The following MARCHF1 variants were observed in gnomAD, a reference collection of about 807,000 sequenced individuals.
The protein encoded by MARCHF1 is membrane associated ring-CH-type finger 1, also known as E3 ubiquitin-protein ligase MARCHF1.
A neutral mutation model predicts 54.2 loss-of-function variants in MARCHF1; 40 were observed. That is an observed-to-expected ratio of 0.74 (90% confidence interval 0.57 to 0.96). The LOEUF (loss-of-function observed/expected upper bound fraction) is 0.96, where lower values mean the gene tolerates loss of function less well. Among genes scored for constraint, MARCHF1 ranks in the 40% least tolerant of loss-of-function variants. The pLI, the probability that MARCHF1 is intolerant of heterozygous loss-of-function variation, is 0.00. For synonymous variants in MARCHF1, 236 were observed against 236.3 expected, an observed-to-expected ratio of 1.00 and a Z score of 0.01; for missense variants, 586 against 656.5, an observed-to-expected ratio of 0.89 and a Z score of 1.17.
At chr4:163,677,118 G>C (rs1367994525) in intron 5 of MARCHF1, among the ~76,000 whole-genome samples, 2 of 152,282 alleles carry the variant, frequency 1.3e-5, no homozygotes, top group East Asian at 3.9e-4. Flanking sequence ...AAATAGGTAG[G>C]TTAACAATTG....
At chr4:164,074,563 C>G (rs1371832299) in intron 2 of MARCHF1, among the ~76,000 whole-genome samples, 1 of 151,770 alleles carries the variant, frequency 6.6e-6, no homozygotes, top group Non-Finnish European at 1.5e-5. Flanking sequence ...AAAATTAAAG[C>G]CAACAAGTCT....
chr4:164,247,531 G>T (rs1732987467), intron 1 of MARCHF1, among the ~76,000 whole-genome samples: 1 of 149,688 alleles, frequency 6.7e-6, no homozygotes, highest in Non-Finnish European at 1.5e-5. Flanking sequence ...TGGGTGCAGT[G>T]CACCAGCATG....
intron 1 of MARCHF1, among the ~76,000 whole-genome samples, chr4:164,127,720 G>T (rs1433022934): frequency 2.0e-5 from 3 of 152,092 alleles, no homozygotes. Context: ...TGTGAAGAAA[G>T]CTTCAAAATA....
At chr4:164,006,958 TATAAG>T (rs1206134736) in intron 2 of MARCHF1, among the ~76,000 whole-genome samples, 1 of 112,946 alleles carries the variant, frequency 8.9e-6, no homozygotes, top group Non-Finnish European at 1.7e-5. Flanking sequence ...ATTCCCATCT[TATAAG>T]AAATAATAGA....
intron 3 of MARCHF1, among the ~76,000 whole-genome samples, chr4:163,969,364 G>A (rs1346634487): frequency 6.6e-6 from 1 of 152,144 alleles, no homozygotes; most frequent in Non-Finnish European, 1.5e-5. Flanking sequence ...TTGCTGGAAT[G>A]AGAATGCTTT....
At chr4:163,618,971 T>C (rs1272017439) in intron 5 of MARCHF1, among the ~76,000 whole-genome samples, 1 of 152,010 alleles carries the variant, frequency 6.6e-6, no homozygotes, top group Non-Finnish European at 1.5e-5. Flanking sequence ...AAGGTGAGTG[T>C]GACTCAAGTA....
Position 163,613,236 on chromosome 4 carries a change from C to T in MARCHF1, c.242+78G>A, listed in dbSNP as rs2292421. 2.1e-3 allele frequency: 3,039 copies of T among 1,448,876 alleles called. 102 individuals carry two copies. The Admixed American group carries it at 0.053, about 25-fold the overall frequency. The allele number at this position is 1,448,876 out of a possible 1,614,324, so 89.8% of individuals were successfully genotyped here. A position where few individuals can be genotyped will look rare whatever the true frequency, so the allele number is the denominator to read the frequency against. On this transcript the variant is annotated intron_variant, in intron 6 of 9. Coordinates refer to ENST00000514618, the MANE Select transcript of MARCHF1 (RefSeq NM_001394959.1). Reference sequence around the variant, plus strand: ...CCATGTAAAGCAGAAGCAAGAGACACACATTCTCAGAACAAACAACAAGAA... The same window carrying T: ...CCATGTAAAGCAGAAGCAAGAGACATACATTCTCAGAACAAACAACAAGAA...
intron 2 of MARCHF1, among the ~76,000 whole-genome samples, chr4:164,072,859 G>A (rs754644936): frequency 2.0e-5 from 3 of 152,150 alleles, no homozygotes; most frequent in Non-Finnish European, 4.4e-5. Context: ...TGTGAGAAAT[G>A]TTTGCACCTG....
At chr4:163,760,185 C>A (rs569184212) in intron 4 of MARCHF1, among the ~76,000 whole-genome samples, 3 of 152,328 alleles carry the variant, frequency 2.0e-5, no homozygotes, top group Non-Finnish European at 2.9e-5. Context: ...TCACAGCCAG[C>A]AGCCAGCATG....
At chr4:163,846,754 G>T (rs1035228329) in intron 4 of MARCHF1, among the ~76,000 whole-genome samples, 2 of 152,006 alleles carry the variant, frequency 1.3e-5, no homozygotes, top group Admixed American at 1.3e-4. Context: ...AAGGCATATG[G>T]CATTTCTAAC....
intron 5 of MARCHF1, among the ~76,000 whole-genome samples, chr4:163,651,525 C>CTTT (rs66848288): frequency 0.011 from 1,453 of 130,986 alleles, 38 homozygotes; most frequent in African/African-American, 0.036. Context: ...AAGTACCATA[C>CTTT]TTTTTTTTTT....
chr4:163,992,599 A>T (rs1363813162), intron 2 of MARCHF1, among the ~76,000 whole-genome samples: 1 of 151,796 alleles, frequency 6.6e-6, no homozygotes, highest in East Asian at 1.9e-4. Context: ...TATTTTAAAT[A>T]ACATAGAAAA....
At chr4:163,890,395 G>C (rs1366016318) in intron 3 of MARCHF1, among the ~76,000 whole-genome samples, 3 of 150,466 alleles carry the variant, frequency 2.0e-5, no homozygotes, top group Non-Finnish European at 3.0e-5. Context: ...TTTTCTTCTT[G>C]TTTGCTACTT....
chr4:164,189,678 A>T (rs1452594495), intron 1 of MARCHF1: 2 of 964,650 alleles, frequency 2.1e-6, no homozygotes, highest in Non-Finnish European at 3.4e-6. Flanking sequence ...TCATGATCAA[A>T]CTGATTCCAA....
intron 1 of MARCHF1, among the ~76,000 whole-genome samples, chr4:164,315,924 T>C (rs1210702039): frequency 2.6e-5 from 4 of 152,320 alleles, no homozygotes; most frequent in African/African-American, 9.6e-5. Flanking sequence ...GTAGAGGTTA[T>C]GAGTGCAGGA....
intron 1 of MARCHF1, among the ~76,000 whole-genome samples, chr4:164,214,829 C>T (rs1471175682): frequency 6.6e-6 from 1 of 152,312 alleles, no homozygotes; most frequent in Admixed American, 6.5e-5. Flanking sequence ...CTTCTTATCA[C>T]ATCCCCATTT....
chr4:164,152,636 C>T (rs754464163), intron 1 of MARCHF1, among the ~76,000 whole-genome samples: 6 of 152,116 alleles, frequency 3.9e-5, no homozygotes, highest in Non-Finnish European at 7.4e-5. Flanking sequence ...TTCCTTCTTT[C>T]CTTCCCAGAT....
chr4:163,777,411 T>C (rs1288636911), intron 4 of MARCHF1, among the ~76,000 whole-genome samples: 2 of 152,182 alleles, frequency 1.3e-5, no homozygotes, highest in Non-Finnish European at 2.9e-5. Flanking sequence ...TTAAAGTCCC[T>C]TGTGACTTTT....
rs1374567567 is a variant in MARCHF1 at position 164,243,807 on chromosome 4, C to A, written c.-322-132145G>T. Among the ~76,000 whole-genome samples the A allele has an allele frequency of 3.3e-5, 5 of 152,006 alleles. No individual in the cohort carries two copies. In the East Asian group the frequency reaches 9.7e-4, roughly 29 times the overall value. On this transcript the variant is annotated intron_variant, in intron 1 of 9. Coordinates refer to ENST00000514618, the MANE Select transcript of MARCHF1 (RefSeq NM_001394959.1). ...AACAAAAAAAGGCAGGGGTTGCAATCCTAGTCTCTGATAAAACAGACTTTA... is the reference window on the plus strand; with the variant it reads ...AACAAAAAAAGGCAGGGGTTGCAATACTAGTCTCTGATAAAACAGACTTTA...
Sources: gnomAD v4.1 joint callset for allele counts (sites outside exome capture counted in the v4.1 genomes callset) on GRCh38, gnomAD v4.1.1 for gene constraint, MANE v1.5 for transcripts, NCBI Gene and HGNC (gene_info 2026-07-23, HGNC 2026-07-21) for gene names.